Variants in FNBP4 observed in about 807,000 individuals in gnomAD.
FNBP4 encodes the protein formin-binding protein 4.
Under a neutral mutation model 119.3 loss-of-function variants are expected in FNBP4, and 34 were observed. The observed-to-expected ratio is 0.28, with a 90% CI of 0.22 to 0.38. The LOEUF (loss-of-function observed/expected upper bound fraction) is 0.38. FNBP4 is among the 10% of genes least tolerant of loss of function. The pLI is 1.00. For synonymous variants in FNBP4, 462 were observed against 430.6 expected (o/e 1.07, Z -0.90); for missense variants, 1,112 against 1,228.9 (o/e 0.90, Z 1.42).
In FNBP4 at chr11:47,744,020, G is replaced by A; in HGVS notation, c.1389C>T (p.Thr463=). Residue 463 remains threonine, a synonymous_variant, in exon 8 of 17, where the codon ACC becomes ACT. Coordinates refer to ENST00000263773, the MANE Select transcript of FNBP4 (RefSeq NM_015308.5). ...RGKWKMFVRA[T]SPESTSRSSS... is the part of the protein sequence containing the mutation. ...AACTCCTACTGGTAGATTCTGGACT[G>A]GTAGCTCGAACAAACATCTTCCATT... The A allele has an allele frequency of 6.2e-7, 1 of 1,614,128 alleles. No individual in the cohort carries two copies. The highest frequency in any genetic ancestry group is 8.5e-7 in the Non-Finnish European group (1 of 1,180,020).
chr11:47,748,079 A>G (rs578219962), intron 6 of FNBP4, among the ~76,000 whole-genome samples: 12 of 151,052 alleles, frequency 7.9e-5, no homozygotes, highest in Non-Finnish European at 1.5e-4. Context: ...CGTCTCTACT[A>G]AACTACAAAA....
intron 6 of FNBP4, among the ~76,000 whole-genome samples, chr11:47,750,031 A>G (rs978925302): frequency 1.3e-5 from 2 of 152,072 alleles, no homozygotes; most frequent in Non-Finnish European, 2.9e-5. Flanking sequence ...TGCTGCTCCC[A>G]CGTCCTTTGC....
Position 47,720,037 on chromosome 11 carries a change from C to A in FNBP4, c.2855G>T (p.Ser952Ile). 4 of 1,614,134 alleles carry A rather than the reference C, an allele frequency of 2.5e-6. No homozygotes were observed. The highest frequency in any genetic ancestry group is 3.4e-6 in the Non-Finnish European group (4 of 1,180,012). ...CTCTTCATCTAACTCACGCTGGATA[C>A]TCTGCCACTTTTTTACCAAAGATGG... ...KMPSLVKKWQ[S>I]IQRELDEEDN... is the part of the protein sequence containing the mutation. The change falls in exon 16 of 17, where the codon AGT (serine) becomes ATT (isoleucine). Residue 952 changes from serine (S) to isoleucine (I), a missense_variant. This residue lies in a region of FNBP4 where 826 missense variants were observed against 988.8 expected (regional missense o/e 0.84). Coordinates refer to ENST00000263773, the MANE Select transcript of FNBP4 (RefSeq NM_015308.5).
At chr11:47,758,866 C>CG (rs969900031) in intron 2 of FNBP4, among the ~76,000 whole-genome samples, 46 of 148,418 alleles carry the variant, frequency 3.1e-4, no homozygotes, top group Admixed American at 5.4e-4. Flanking sequence ...TAAAAAAAAG[C>CG]GGGGGGGAAA....
chr11:47,719,812 T>G (rs1331842653), intron 16 of FNBP4, 117 bp downstream of exon 16: 1 of 1,078,062 alleles, frequency 9.3e-7, no homozygotes, highest in Non-Finnish European at 1.3e-6. Context: ...TTACAAGCTG[T>G]GATTTTAAGA....
At position 47,724,487 on chromosome 11, in the gene FNBP4, G is replaced by A; in HGVS notation, c.2300C>T (p.Thr767Ile). The stretch of plus-strand genomic sequence containing the variant: ...ACTTACCTGGCTAGTTACAACTGTG[G>A]TTTGTGCTGAAGGTTTCAAAGGGGT... ...EDTPLKPSAQ[T>I]TVVTSQSSVD... Residue 767 changes from threonine (T) to isoleucine (I), a missense_variant, in exon 13 of 17, where the codon ACC (threonine) becomes ATC (isoleucine). Physicochemically the swap from Thr to Ile is moderately conservative, Grantham distance 89. Around this residue, in one of 2 missense-constraint regions of FNBP4, gnomAD observed 826 missense variants for 988.8 expected, o/e 0.84. Transcript: ENST00000263773. The A allele has an allele frequency of 6.2e-7, 1 of 1,614,228 alleles. No individual in the cohort carries two copies. Among genetic ancestry groups the A allele is most frequent in the Non-Finnish European group, 8.5e-7 (1 of 1,180,040 alleles).
intron 8 of FNBP4, among the ~76,000 whole-genome samples, chr11:47,738,157 AAAGAG>A (rs554075020): frequency 6.8e-4 from 104 of 152,246 alleles, no homozygotes; most frequent in Non-Finnish European, 1.2e-3. Flanking sequence ...GGAATCTCCA[AAAGAG>A]AAGAGGTCTA....
chr11:47,737,845 C>A (rs929110056), intron 8 of FNBP4, among the ~76,000 whole-genome samples: 27 of 151,682 alleles, frequency 1.8e-4, no homozygotes, highest in Admixed American at 2.0e-4. Context: ...CTCCCAGGTT[C>A]AAGTGATTCT....
intron 2 of FNBP4, among the ~76,000 whole-genome samples, chr11:47,755,824 AG>A (rs1049899851): frequency 5.3e-4 from 81 of 152,090 alleles, no homozygotes; most frequent in African/African-American, 1.8e-3. Context: ...AAAAAAATCG[AG>A]AACAAGAAAA....
chr11:47,762,158 A>G (rs1599267241), intron 2 of FNBP4, among the ~76,000 whole-genome samples: 3 of 115,964 alleles, frequency 2.6e-5, no homozygotes, highest in Admixed American at 9.3e-5. Flanking sequence ...TTTGAGATGG[A>G]GTCTTACTCT....
intron 1 of FNBP4, among the ~76,000 whole-genome samples, chr11:47,766,493 G>A (rs2135309275): frequency 6.6e-6 from 1 of 152,256 alleles, no homozygotes; most frequent in African/African-American, 2.4e-5. Context: ...AAACGGTCGC[G>A]GCTTCTCCGG....
Position 47,720,192 on chromosome 11 carries a change from C to T in FNBP4, c.2806-106G>A, listed in dbSNP as rs77819504. 2,137 of 1,049,056 alleles carry T rather than the reference C, an allele frequency of 2.0e-3. 40 individuals carry two copies. The African/African-American group carries it at 0.032, about 16-fold the overall frequency. The allele number at this position is 1,049,056 out of a possible 1,614,324, so 65.0% of individuals were successfully genotyped here. A position where few individuals can be genotyped will look rare whatever the true frequency, so the allele number is the denominator to read the frequency against. On this transcript the variant is annotated intron_variant, in intron 15 of 16. Transcript: ENST00000263773. ...TTTTCCCAGTTCTAAAGAATATGCACACTTTAAAAAAGAAAGTAAATACCA... is the reference window on the plus strand; with the variant it reads ...TTTTCCCAGTTCTAAAGAATATGCATACTTTAAAAAAGAAAGTAAATACCA...
At chr11:47,761,521 G>A (rs1220610098) in intron 2 of FNBP4, among the ~76,000 whole-genome samples, 2 of 152,152 alleles carry the variant, frequency 1.3e-5, no homozygotes, top group East Asian at 3.9e-4. Context: ...TAACTCAGGC[G>A]ACGGAGGTTG....
At chr11:47,722,511 T>A (rs1274537878) in intron 15 of FNBP4, among the ~76,000 whole-genome samples, 1 of 152,160 alleles carries the variant, frequency 6.6e-6, no homozygotes, top group Non-Finnish European at 1.5e-5. Context: ...GGGCCCAAGC[T>A]GATTCTCCTC....
intron 12 of FNBP4, chr11:47,725,784 A>G: frequency 1.0e-6 from 1 of 983,408 alleles, no homozygotes; most frequent in Non-Finnish European, 1.2e-6. Flanking sequence ...AAGTTTCACA[A>G]TATATGGGAC....
At position 47,750,614 on chromosome 11, in the gene FNBP4, G is replaced by A. The variant is rs1599233958; in HGVS notation, c.906+302C>T. 1.4e-5 allele frequency among the ~76,000 whole-genome samples: 2 copies of A among 139,058 alleles called. 1 individual carries two copies. Among genetic ancestry groups the A allele is most frequent in the South Asian group, 4.6e-4 (2 of 4,384 alleles). The allele number at this position is 139,058 out of a possible 152,430, so 91.2% of individuals were successfully genotyped here. A position where few individuals can be genotyped will look rare whatever the true frequency, so the allele number is the denominator to read the frequency against. On this transcript the variant is annotated intron_variant, in intron 6 of 16. Transcript: ENST00000263773. ...TGAGGCAGGAGAATGGTGTGAACCC[G>A]GGAGGTGGAGCTTGCAGTCAGCTGA...
At chr11:47,764,226 T>C (rs2097642066) in intron 2 of FNBP4, among the ~76,000 whole-genome samples, 1 of 152,080 alleles carries the variant, frequency 6.6e-6, no homozygotes, top group South Asian at 2.1e-4. Flanking sequence ...CGATTATAGG[T>C]GTGCGCCACC....
At chr11:47,765,893 G>A (rs7111576) in intron 1 of FNBP4, among the ~76,000 whole-genome samples, 45,956 of 120,726 alleles carry the variant, frequency 0.38, 9,289 homozygotes, top group South Asian at 0.53. Context: ...CGCTCTTGTC[G>A]CCCAGGCTGG....
intron 16 of FNBP4, among the ~76,000 whole-genome samples, chr11:47,717,765 T>C (rs972355863): frequency 2.6e-5 from 4 of 152,196 alleles, no homozygotes; most frequent in African/African-American, 9.7e-5. Context: ...ATTGACTGAT[T>C]GAGACGGAAT....
Sources: gnomAD v4.1 joint callset for allele counts (sites outside exome capture counted in the v4.1 genomes callset) on GRCh38, gnomAD v4.1.1 for gene constraint, gnomAD v4.1.1 regional missense constraint, MANE v1.5 for transcripts, NCBI Gene and HGNC (gene_info 2026-07-23, HGNC 2026-07-21) for gene names.